Variants in CCDC81 observed in about 807,000 individuals in gnomAD.
CCDC81 encodes coiled-coil domain-containing protein 81.
CCDC81 carries 79 observed loss-of-function variants against 83.7 expected under a neutral mutation model. The ratio of observed to expected loss-of-function variants is 0.94; its 90% CI spans 0.79 to 1.14. The LOEUF is 1.14. Ranked by LOEUF, CCDC81 falls within the 50% of genes most tolerant of loss-of-function variation. The pLI, the probability that CCDC81 is intolerant of heterozygous loss-of-function variation, is 0.00. For missense variants in CCDC81, 791 were observed against 778.1 expected, an observed-to-expected ratio of 1.02 and a Z score of -0.20; for synonymous variants, 252 against 278.1, an observed-to-expected ratio of 0.91 and a Z score of 0.93.
At chr11:86,416,085 T>C (rs997163908) in intron 13 of CCDC81, among the ~76,000 whole-genome samples, 2 of 152,240 alleles carry the variant, frequency 1.3e-5, no homozygotes, top group Non-Finnish European at 2.9e-5. Context: ...ATGTGCCTAT[T>C]TGCCATCCGT....
chr11:86,408,023 A>C (rs1295592455), intron 8 of CCDC81, 104 bp from the exon 9 acceptor site: 78 of 1,107,850 alleles, frequency 7.0e-5, no homozygotes, highest in Non-Finnish European at 9.2e-5. Context: ...TCCATTAATA[A>C]TAGGTTTCTT....
chr11:86,412,724 G>A (rs1466126319), intron 11 of CCDC81, among the ~76,000 whole-genome samples, 165 bp downstream of exon 11: 5 of 152,130 alleles, frequency 3.3e-5, no homozygotes, highest in East Asian at 1.9e-4. Context: ...AAGTTCCCTC[G>A]TCCCCCTCGC....
chr11:86,400,656 T>C (rs1460032324), intron 6 of CCDC81, 22 bp from the exon 7 acceptor site: 1 of 1,574,026 alleles, frequency 6.4e-7, no homozygotes. Context: ...AGACTCGTTT[T>C]CATTCATTCT....
chr11:86,399,373 G>A (rs1023769743), intron 6 of CCDC81, among the ~76,000 whole-genome samples: 2 of 152,094 alleles, frequency 1.3e-5, no homozygotes, highest in African/African-American at 4.8e-5. Flanking sequence ...CCAGGGTGGA[G>A]TGCACTGTCT....
intron 7 of CCDC81, 71 bp downstream of exon 7, chr11:86,400,872 G>A: frequency 1.4e-6 from 2 of 1,425,944 alleles, no homozygotes; most frequent in Non-Finnish European, 1.9e-6. Flanking sequence ...TTGATGCGGG[G>A]AACTGTAATT....
rs1264573315 is a variant in CCDC81 at position 86,415,331 on chromosome 11, C to A, written c.1691+18C>A. ...CAAAGAGAGTAAGGAGACCCCTGAT[C>A]TTTCTCCCTCCACTTCTCCTCACTT... On this transcript the variant is annotated intron_variant, in intron 13 of 14. Coordinates refer to ENST00000445632, the MANE Select transcript of CCDC81 (RefSeq NM_001156474.2). The A allele has an allele frequency of 1.3e-6, 2 of 1,589,024 alleles. No individual in the cohort carries two copies. The highest frequency in any genetic ancestry group is 2.7e-5 in the African/African-American group (2 of 74,406).
rs547066550 is a variant in CCDC81 at position 86,402,697 on chromosome 11, T to C, written c.881+1896T>C. Among the ~76,000 whole-genome samples the C allele has an allele frequency of 3.0e-4, 46 of 152,346 alleles. 1 individual carries two copies. In the South Asian group the frequency reaches 9.3e-3, roughly 31 times the overall value. On this transcript the variant is annotated intron_variant, in intron 7 of 14. Coordinates refer to ENST00000445632, the MANE Select transcript of CCDC81 (RefSeq NM_001156474.2). ...ACATTTCCAATTATCTTCTTCATGGTTGTAGCAAATTATCCTCTCAGCAAC... is the reference window on the plus strand; with the variant it reads ...ACATTTCCAATTATCTTCTTCATGGCTGTAGCAAATTATCCTCTCAGCAAC...
rs113010452 is a variant in CCDC81 at position 86,422,584 on chromosome 11, A to C, written c.1828A>C (p.Lys610Gln). 6.2e-7 allele frequency: 1 copy of C among 1,613,576 alleles called. No homozygotes were observed. The highest frequency in any genetic ancestry group is 1.7e-5 in the Admixed American group (1 of 59,968). The change falls in exon 15 of 15, where the codon AAG becomes CAG. Residue 610 changes from lysine (K) to glutamine (Q), a missense_variant. Transcript: ENST00000445632. ...EDKAFERASD[K>Q]LFLLDQCEKY... ...CTCTCCTCTCCTCAGGGCTTCAGAC[A>C]AGCTGTTTCTCCTAGACCAGTGTGA...
intron 13 of CCDC81, among the ~76,000 whole-genome samples, chr11:86,417,297 T>C (rs1212791431): frequency 6.6e-6 from 1 of 152,004 alleles, no homozygotes; most frequent in East Asian, 1.9e-4. Flanking sequence ...ATGTGCATAT[T>C]GCTTAAATAG....
intron 1 of CCDC81, among the ~76,000 whole-genome samples, chr11:86,384,800 T>C (rs1948220150): frequency 6.6e-6 from 1 of 152,222 alleles, no homozygotes; most frequent in South Asian, 2.1e-4. Context: ...AGTTCTTAAC[T>C]GGAAAGTATC....
At chr11:86,414,586 C>A in intron 11 of CCDC81, 2 of 534,048 alleles carry the variant, frequency 3.7e-6, no homozygotes, top group Non-Finnish European at 6.6e-6. Flanking sequence ...GGATTACACA[C>A]ATGAGCCACT....
chr11:86,377,330 G>A (rs1002028302), intron 1 of CCDC81, among the ~76,000 whole-genome samples: 1 of 152,126 alleles, frequency 6.6e-6, no homozygotes, highest in Non-Finnish European at 1.5e-5. Flanking sequence ...GGACATAATC[G>A]CTAGATTGTA....
At chr11:86,411,672 A>T (rs1948643275) in intron 10 of CCDC81, among the ~76,000 whole-genome samples, 1 of 152,162 alleles carries the variant, frequency 6.6e-6, no homozygotes, top group African/African-American at 2.4e-5. Flanking sequence ...TGGATGTTGT[A>T]AATGCTAACT....
chr11:86,380,584 C>A (rs532208254), intron 1 of CCDC81, among the ~76,000 whole-genome samples: 1 of 152,258 alleles, frequency 6.6e-6, no homozygotes, highest in African/African-American at 2.4e-5. Context: ...TGGGTACACA[C>A]CTTCTGTAGT....
intron 13 of CCDC81, among the ~76,000 whole-genome samples, chr11:86,417,673 G>A (rs1298311625): frequency 6.6e-6 from 1 of 151,362 alleles, no homozygotes; most frequent in East Asian, 1.9e-4. Context: ...TTTTATACTG[G>A]TTCTTTTGTT....
Position 86,397,606 on chromosome 11 carries a change from T to C in CCDC81, c.636-15T>C, listed in dbSNP as rs1172403694. 4.4e-6 allele frequency: 7 copies of C among 1,604,976 alleles called. No individual in the cohort carries two copies. The African/African-American group carries it at 5.4e-5, about 12-fold the overall frequency. ...AGGTTCAGTGCAGCAGAAAAACATA[T>C]TGGCTCATTCCTAGGATTGAGCTCA... On this transcript the variant is annotated splice_polypyrimidine_tract_variant and intron_variant, in intron 5 of 14. Transcript: ENST00000445632.
intron 3 of CCDC81, among the ~76,000 whole-genome samples, chr11:86,390,023 T>C (rs1948302331): frequency 6.6e-6 from 1 of 152,080 alleles, no homozygotes; most frequent in Non-Finnish European, 1.5e-5. Flanking sequence ...GAGACTTGCT[T>C]GAACCCCAGA....
In CCDC81 at chr11:86,375,068, G is replaced by C. The variant is rs1948081261; in HGVS notation, c.-96G>C. On this transcript the variant is annotated 5_prime_UTR_variant, in exon 1 of 15. Transcript: ENST00000445632. ...GGCACATCCAAAGCTCCGTGGAGAA[G>C]GGGCTGGAGGGTGGGAAAATTATTT... 9.5e-7 allele frequency: 1 copy of C among 1,057,412 alleles called. No individual in the cohort carries two copies. The highest frequency in any genetic ancestry group is 1.7e-5 in the Admixed American group (1 of 59,268). 65.5% of individuals were successfully genotyped at this position (1,057,412 alleles called of 1,614,324 possible). A position where few individuals can be genotyped will look rare whatever the true frequency, so the allele number is the denominator to read the frequency against.
chr11:86,406,433 C>G (rs1237753693), intron 7 of CCDC81, among the ~76,000 whole-genome samples: 1 of 152,128 alleles, frequency 6.6e-6, no homozygotes, highest in Non-Finnish European at 1.5e-5. Context: ...TTGCCATTTC[C>G]TTTATTCTAA....
Sources: allele counts gnomAD v4.1 joint callset (sites outside exome capture counted in the v4.1 genomes callset), GRCh38; gene constraint gnomAD v4.1.1; transcripts MANE v1.5; gene names NCBI Gene and HGNC (gene_info 2026-07-23, HGNC 2026-07-21).